The following EPHA5 variants were observed in gnomAD, a reference collection of about 807,000 sequenced individuals.
EPHA5 encodes the protein EPH receptor A5.
Under a neutral mutation model 105.0 loss-of-function variants are expected in EPHA5, and 60 were observed. That is an observed-to-expected ratio of 0.57 (90% CI 0.46 to 0.71). The LOEUF is 0.71. EPHA5 is among the 30% of genes least tolerant of loss of function. EPHA5 has a pLI of 0.00. For missense variants in EPHA5, 1,218 were observed against 1,274.7 expected, an observed-to-expected ratio of 0.96 and a Z score of 0.68; for synonymous variants, 513 against 449.1, an observed-to-expected ratio of 1.14 and a Z score of -1.80.
intron 3 of EPHA5, among the ~76,000 whole-genome samples, chr4:65,570,820 A>G (rs1740056366): frequency 6.6e-6 from 1 of 152,034 alleles, no homozygotes; most frequent in Admixed American, 6.6e-5. Context: ...AAACCAATAA[A>G]AATCTTAATA....
chr4:65,619,150 A>T (rs1382290622), intron 2 of EPHA5, among the ~76,000 whole-genome samples: 1 of 152,194 alleles, frequency 6.6e-6, no homozygotes, highest in South Asian at 2.1e-4. Flanking sequence ...TCCGTCCAAA[A>T]AAAAAGAATA....
In EPHA5 at chr4:65,556,605, C is replaced by A. The variant is rs115037587; in HGVS notation, c.910+45036G>T. Among the ~76,000 whole-genome samples, 816 of 152,192 alleles carry A rather than the reference C, an allele frequency of 5.4e-3. 7 individuals are homozygous for A. The highest frequency in any genetic ancestry group is 0.018 in the African/African-American group (766 of 41,538). ...ACAGTGATCCAAGTCACATGTGGAACAATTTCATATAATTTAGAGGATTCT... is the reference window on the plus strand; with the variant it reads ...ACAGTGATCCAAGTCACATGTGGAAAAATTTCATATAATTTAGAGGATTCT... On this transcript the variant is annotated intron_variant, in intron 3 of 16. Transcript: ENST00000613740.
intron 8 of EPHA5, among the ~76,000 whole-genome samples, chr4:65,377,844 A>G (rs1418426452): frequency 6.6e-6 from 1 of 151,964 alleles, no homozygotes; most frequent in African/African-American, 2.4e-5. Flanking sequence ...AATAAAAGAC[A>G]TAAGTTATTT....
At chr4:65,335,903 T>C in intron 15 of EPHA5, 29 bp downstream of exon 15, 1 of 1,561,274 alleles carries the variant, frequency 6.4e-7, no homozygotes, top group Non-Finnish European at 8.7e-7. Context: ...AGCTACATTC[T>C]GGAAAATCAC....
chr4:65,560,773 CT>C (rs1738925453), intron 3 of EPHA5, among the ~76,000 whole-genome samples: 1 of 151,960 alleles, frequency 6.6e-6, no homozygotes, highest in African/African-American at 2.4e-5. Context: ...TAATTCCTGC[CT>C]GTTAAATGAC....
intron 3 of EPHA5, among the ~76,000 whole-genome samples, chr4:65,577,925 C>A (rs1272736564): frequency 6.6e-6 from 1 of 152,104 alleles, no homozygotes; most frequent in Non-Finnish European, 1.5e-5. Context: ...ACTCAGGAAT[C>A]TTTTGGTTAT....
intron 8 of EPHA5, among the ~76,000 whole-genome samples, chr4:65,372,430 G>T (rs1454842637): frequency 6.6e-6 from 1 of 151,912 alleles, no homozygotes; most frequent in African/African-American, 2.4e-5. Context: ...TGGGGCATTG[G>T]ATATTTAGGC....
At chr4:65,392,244 TA>T (rs1464924324) in intron 8 of EPHA5, among the ~76,000 whole-genome samples, 1 of 152,146 alleles carries the variant, frequency 6.6e-6, no homozygotes, top group Admixed American at 6.6e-5. Flanking sequence ...ATAGAAGAGA[TA>T]AAAACCCTCA....
intron 3 of EPHA5, among the ~76,000 whole-genome samples, chr4:65,499,157 A>G (rs1732240506): frequency 6.6e-6 from 1 of 151,678 alleles, no homozygotes; most frequent in Non-Finnish European, 1.5e-5. Context: ...AGTTGTCAGA[A>G]GGAAACTTTC....
In EPHA5 at chr4:65,404,591, C is replaced by T. The variant is rs559611180; in HGVS notation, c.1688-112G>A. 2.4e-4 allele frequency: 191 copies of T among 811,794 alleles called. 1 individual carries two copies. Among genetic ancestry groups the T allele is most frequent in the Middle Eastern group, 2.0e-3 (8 of 3,934 alleles). The allele number at this position is 811,794 out of a possible 1,614,324, so 50.3% of individuals were successfully genotyped here. A position where few individuals can be genotyped will look rare whatever the true frequency, so the allele number is the denominator to read the frequency against. On this transcript the variant is annotated intron_variant, in intron 7 of 16. Coordinates refer to ENST00000613740, the MANE Select transcript of EPHA5 (RefSeq NM_001281766.3). ...TCATGATTTAAGCAATTTACCCACACTTAGCTGAAATTTCCCCTAATATCC... is the reference window on the plus strand; with the variant it reads ...TCATGATTTAAGCAATTTACCCACATTTAGCTGAAATTTCCCCTAATATCC...
intron 5 of EPHA5, among the ~76,000 whole-genome samples, chr4:65,434,493 A>C (rs1403833791): frequency 1.3e-5 from 2 of 152,190 alleles, no homozygotes; most frequent in East Asian, 3.9e-4. Context: ...TATTTTAGGT[A>C]TACATATCCA....
At chr4:65,566,638 G>A (rs376912016) in intron 3 of EPHA5, among the ~76,000 whole-genome samples, 300 of 151,794 alleles carry the variant, frequency 2.0e-3, no homozygotes, top group Non-Finnish European at 2.4e-3. Flanking sequence ...GGCACTGAGC[G>A]TATGAGCTTT....
intron 1 of EPHA5, among the ~76,000 whole-genome samples, chr4:65,668,931 G>T (rs1009213570): frequency 6.6e-6 from 1 of 151,884 alleles, no homozygotes; most frequent in African/African-American, 2.4e-5. Context: ...CCAAGAAGAA[G>T]GGCACCCAAC....
intron 16 of EPHA5, among the ~76,000 whole-genome samples, chr4:65,326,488 A>C (rs2148784342): frequency 6.6e-6 from 1 of 151,556 alleles, no homozygotes; most frequent in South Asian, 2.1e-4. Flanking sequence ...GCCTGAGGCT[A>C]TGGTCACCAA....
intron 8 of EPHA5, among the ~76,000 whole-genome samples, chr4:65,382,151 C>T (rs1038312469): frequency 6.6e-6 from 1 of 151,718 alleles, no homozygotes; most frequent in African/African-American, 2.4e-5. Flanking sequence ...CAAACAAAAA[C>T]TAATTCACAT....
intron 3 of EPHA5, among the ~76,000 whole-genome samples, chr4:65,531,647 A>G (rs113304618): frequency 6.6e-6 from 1 of 150,578 alleles, no homozygotes; most frequent in African/African-American, 2.4e-5. Context: ...GCAGAATGAC[A>G]ATGATCCAGG....
intron 2 of EPHA5, among the ~76,000 whole-genome samples, chr4:65,621,171 C>T (rs1745674336): frequency 6.6e-6 from 1 of 152,110 alleles, no homozygotes; most frequent in African/African-American, 2.4e-5. Context: ...GGATACTTAG[C>T]AAGGTTAAAC....
In EPHA5 at chr4:65,435,098, A is replaced by T. The variant is rs185995728; in HGVS notation, c.1403-14533T>A. ...CAATATTACATATAAAAATGACATT[A>T]AAAAATAGAATCACCTATATTATCC... On this transcript the variant is annotated intron_variant, in intron 5 of 16. Transcript: ENST00000613740. Among the ~76,000 whole-genome samples, 6 of 152,258 alleles carry T rather than the reference A, an allele frequency of 3.9e-5. No homozygotes were observed. In the East Asian group the frequency reaches 1.2e-3, roughly 29 times the overall value.
At chr4:65,357,653 G>A (rs1382690177) in intron 11 of EPHA5, among the ~76,000 whole-genome samples, 1 of 151,384 alleles carries the variant, frequency 6.6e-6, no homozygotes, top group African/African-American at 2.4e-5. Context: ...TAGAAAGGTA[G>A]TTTCCAGGAG....
Sources: allele counts gnomAD v4.1 joint callset (sites outside exome capture counted in the v4.1 genomes callset), GRCh38; gene constraint gnomAD v4.1.1; transcripts MANE v1.5; gene names NCBI Gene and HGNC (gene_info 2026-07-23, HGNC 2026-07-21).